The following SEC31A variants were observed in gnomAD, a reference collection of about 807,000 sequenced individuals.
SEC31A encodes the protein SEC31 homolog A, COPII component.
SEC31A carries 70 observed loss-of-function variants against 151.0 expected under a neutral mutation model. That is an observed-to-expected ratio of 0.46 (90% CI 0.38 to 0.57). The LOEUF is 0.57. Ranked by LOEUF, SEC31A falls within the 20% of genes least tolerant of loss-of-function variation. SEC31A has a pLI of 0.00. For synonymous variants in SEC31A, 475 were observed against 505.9 expected (o/e 0.94, Z 0.82); for missense variants, 1,330 against 1,471.2 (o/e 0.90, Z 1.57).
At chr4:82,884,118 C>A (rs1227729336) in intron 1 of SEC31A, among the ~76,000 whole-genome samples, 1 of 150,928 alleles carries the variant, frequency 6.6e-6, no homozygotes, top group Non-Finnish European at 1.5e-5. Context: ...TCCCAAGTAA[C>A]TGGGATTACA....
At position 82,824,621 on chromosome 4, in the gene SEC31A, C is replaced by T. The variant is rs753246209; in HGVS notation, c.3345G>A (p.Glu1115=). Residue 1115 remains glutamate, a synonymous_variant, in exon 25 of 27, where the codon GAG becomes GAA. Transcript: ENST00000395310. Reference sequence around the variant, plus strand: ...CAAATGTGGTCTTTAGAATGAGGTGCTCATCTGGAATAGGTTTCTTGGTAA... The same window carrying T: ...CAAATGTGGTCTTTAGAATGAGGTGTTCATCTGGAATAGGTTTCTTGGTAA... ...KKITKKPIPD[E]HLILKTTFED... The T allele has an allele frequency of 6.2e-7, 1 of 1,613,960 alleles. No individual in the cohort carries two copies. The highest frequency in any genetic ancestry group is 8.5e-7 in the Non-Finnish European group (1 of 1,179,902).
intron 25 of SEC31A, 75 bp from the exon 26 acceptor site, chr4:82,821,183 C>T (rs4634209): frequency 0.53 from 570,455 of 1,075,150 alleles, 160,941 homozygotes; most frequent in Admixed American, 0.66. Context: ...TCTCATTGCA[C>T]TAAACCTTAT....
intron 20 of SEC31A, among the ~76,000 whole-genome samples, chr4:82,848,055 AC>A (rs1342029568): frequency 6.6e-6 from 1 of 152,188 alleles, no homozygotes; most frequent in Non-Finnish European, 1.5e-5. Context: ...TAGGCAGAGT[AC>A]CTGTTAACTT....
intron 2 of SEC31A, 105 bp downstream of exon 2, chr4:82,881,753 G>A (rs1739400332): frequency 1.2e-6 from 1 of 834,702 alleles, no homozygotes; most frequent in South Asian, 1.5e-5. Context: ...TAACTTGCCA[G>A]GGAGAGAGAG....
chr4:82,852,804 A>G (rs912116869), intron 18 of SEC31A, among the ~76,000 whole-genome samples: 1 of 152,206 alleles, frequency 6.6e-6, no homozygotes, highest in Non-Finnish European at 1.5e-5. Context: ...AGTGGTCCCC[A>G]ACCTATTTGG....
chr4:82,875,500 C>G (rs1737711907), intron 5 of SEC31A, among the ~76,000 whole-genome samples: 2 of 152,246 alleles, frequency 1.3e-5, no homozygotes, highest in South Asian at 4.2e-4. Flanking sequence ...GTACAATGAC[C>G]AGTGTCTACC....
chr4:82,841,467 T>TATATATATATATATATATATATAC (rs1339344582), intron 22 of SEC31A, among the ~76,000 whole-genome samples: 11 of 103,578 alleles, frequency 1.1e-4, no homozygotes, highest in African/African-American at 2.0e-4. Context: ...TATATATATA[T>TATATATATATATATATATATATAC]ACACACACAC....
chr4:82,897,328 CAAT>C (rs1391228009), intron 3 of SEC31A, among the ~76,000 whole-genome samples: 1 of 151,994 alleles, frequency 6.6e-6, no homozygotes, highest in Non-Finnish European at 1.5e-5. Context: ...AATGATATAA[CAAT>C]AATTTCAAAA....
chr4:82,856,724 T>C (rs563629570), intron 16 of SEC31A, among the ~76,000 whole-genome samples: 16 of 152,120 alleles, frequency 1.1e-4, no homozygotes, highest in Admixed American at 1.0e-3. Context: ...GGACTCTAGC[T>C]GGGGTGACAG....
Position 82,828,931 on chromosome 4 carries a change from T to C in SEC31A, c.3027+69A>G, listed in dbSNP as rs1725274812. On this transcript the variant is annotated intron_variant, in intron 23 of 26. Coordinates refer to ENST00000395310, the MANE Select transcript of SEC31A (RefSeq NM_001077207.4). ...CTTTAAAAGGATCAGTGAAGTATAG[T>C]GTGTTCCAAGTGGCTACGTGGTTAA... 4 of 1,199,998 alleles carry C rather than the reference T, an allele frequency of 3.3e-6. No individual in the cohort carries two copies. The South Asian group carries it at 4.9e-5, about 15-fold the overall frequency. 74.3% of individuals were successfully genotyped at this position (1,199,998 alleles called of 1,614,324 possible).
rs994661007 is a variant in SEC31A at position 82,857,864 on chromosome 4, T to C, written c.1627-100A>G. ...CATGATTCTTCATCTACAGAGTAGA[T>C]GACATACCAAGTTATTCCAGAAAAG... On this transcript the variant is annotated intron_variant, in intron 14 of 26. Coordinates refer to ENST00000395310, the MANE Select transcript of SEC31A (RefSeq NM_001077207.4). 1.6e-5 allele frequency: 11 copies of C among 705,046 alleles called. No individual in the cohort carries two copies. The Admixed American group carries it at 2.7e-4, about 17-fold the overall frequency. 43.7% of individuals were successfully genotyped at this position (705,046 alleles called of 1,614,324 possible). A position where few individuals can be genotyped will look rare whatever the true frequency, so the allele number is the denominator to read the frequency against.
chr4:82,867,614 A>G (rs2149556464), intron 8 of SEC31A, among the ~76,000 whole-genome samples: 1 of 152,230 alleles, frequency 6.6e-6, no homozygotes, highest in Middle Eastern at 3.4e-3. Context: ...AAAGACCAGC[A>G]CACTCTATTA....
chr4:82,878,825 G>C lies in SEC31A; in HGVS notation c.307C>G (p.Pro103Ala). The C allele has an allele frequency of 6.2e-7, 1 of 1,613,648 alleles. No individual in the cohort carries two copies. Among genetic ancestry groups the C allele is most frequent in the Non-Finnish European group, 8.5e-7 (1 of 1,179,606 alleles). ...TTGTCTCCAGCTATAATTTTAGAAGGATCATAGAGAATAATATTTCCATTT... is the reference window on the plus strand; with the variant it reads ...TTGTCTCCAGCTATAATTTTAGAAGCATCATAGAGAATAATATTTCCATTT... ...GENGNIILYD[P>A]SKIIAGDKEV... is the part of the protein sequence containing the mutation. The change falls in exon 4 of 27, where the codon CCT becomes GCT. Residue 103 changes from proline (P) to alanine (A), a missense_variant. Coordinates refer to ENST00000395310, the MANE Select transcript of SEC31A (RefSeq NM_001077207.4).
At chr4:82,877,298 TTATAA>T (rs1330810777) in intron 4 of SEC31A, among the ~76,000 whole-genome samples, 1 of 151,970 alleles carries the variant, frequency 6.6e-6, no homozygotes, top group Non-Finnish European at 1.5e-5. Context: ...AAGTATCTAT[TTATAA>T]TATAAGAAAA....
chr4:82,863,878 C>T (rs6826579), intron 11 of SEC31A, among the ~76,000 whole-genome samples: 119,397 of 152,048 alleles, frequency 0.79, 46,949 homozygotes, highest in Admixed American at 0.81. Context: ...TATAAAGAAA[C>T]AGACATTCCA....
intron 22 of SEC31A, among the ~76,000 whole-genome samples, chr4:82,835,824 A>G (rs1727094972): frequency 1.3e-5 from 2 of 152,112 alleles, no homozygotes; most frequent in Non-Finnish European, 2.9e-5. Flanking sequence ...AATTATGTGT[A>G]TGTGTGTGTT....
chr4:82,891,205 T>G (rs936085586), upstream of SEC31A: 5 of 1,528,830 alleles, frequency 3.3e-6, no homozygotes, highest in South Asian at 2.4e-5. Flanking sequence ...CGTTCCAACG[T>G]GGCAGCCGCA....
At chr4:82,841,953 CAG>C (rs888554738) in intron 22 of SEC31A, among the ~76,000 whole-genome samples, 185 bp downstream of exon 22, 1 of 151,266 alleles carries the variant, frequency 6.6e-6, no homozygotes, top group African/African-American at 2.4e-5. Context: ...GCCTGGGTGA[CAG>C]AGAGAGACTC....
intron 25 of SEC31A, among the ~76,000 whole-genome samples, chr4:82,823,760 T>C (rs1328136598): frequency 6.6e-6 from 1 of 152,276 alleles, no homozygotes; most frequent in Non-Finnish European, 1.5e-5. Context: ...TGCAAAGCTT[T>C]AGAAGATGAT....
Sources: gnomAD v4.1 joint callset for allele counts (sites outside exome capture counted in the v4.1 genomes callset) on GRCh38, gnomAD v4.1.1 for gene constraint, MANE v1.5 for transcripts, NCBI Gene and HGNC (gene_info 2026-07-23, HGNC 2026-07-21) for gene names.